The following PTPRM variants were observed in gnomAD, a reference collection of about 807,000 sequenced individuals.
The protein encoded by PTPRM is receptor-type tyrosine-protein phosphatase mu.
PTPRM carries 47 observed loss-of-function variants against 186.7 expected under a neutral mutation model. That is an observed-to-expected ratio of 0.25 (90% CI 0.20 to 0.32). The LOEUF (loss-of-function observed/expected upper bound fraction) is 0.32. PTPRM is among the 10% of genes least tolerant of loss of function. The pLI is 1.00. For missense variants in PTPRM, 1,494 were observed against 1,865.0 expected (o/e 0.80, Z 3.66); for synonymous variants, 668 against 674.9 (o/e 0.99, Z 0.16).
intron 20 of PTPRM, among the ~76,000 whole-genome samples, chr18:8,314,039 T>G (rs1294550126): frequency 6.6e-6 from 1 of 152,166 alleles, no homozygotes; most frequent in Admixed American, 6.5e-5. Context: ...AGGAAATAAT[T>G]GAGATACATC....
chr18:7,640,143 T>C (rs2038411569), intron 1 of PTPRM, among the ~76,000 whole-genome samples: 1 of 152,174 alleles, frequency 6.6e-6, no homozygotes, highest in Non-Finnish European at 1.5e-5. Flanking sequence ...TAAAATGAAT[T>C]TCCTATATCT....
chr18:7,871,913 T>A (rs1432441534), intron 2 of PTPRM, among the ~76,000 whole-genome samples: 1 of 152,230 alleles, frequency 6.6e-6, no homozygotes, highest in Non-Finnish European at 1.5e-5. Context: ...ATTTTAAAGT[T>A]TGCTGTTTCT....
At chr18:8,091,669 C>G (rs2090738412) in intron 11 of PTPRM, among the ~76,000 whole-genome samples, 1 of 148,918 alleles carries the variant, frequency 6.7e-6, no homozygotes, top group Non-Finnish European at 1.5e-5. Context: ...GACTGATTAT[C>G]TGTAGAATAG....
chr18:8,074,486 G>A (rs1195302787), intron 8 of PTPRM, among the ~76,000 whole-genome samples: 1 of 152,196 alleles, frequency 6.6e-6, no homozygotes, highest in Non-Finnish European at 1.5e-5. Flanking sequence ...CTGCCGGAGT[G>A]TTTTCAAAGT....
In PTPRM at chr18:8,112,042, T is replaced by C. The variant is rs184352169; in HGVS notation, c.1857-1444T>C. On this transcript the variant is annotated intron_variant, in intron 11 of 32. Coordinates refer to ENST00000580170, the MANE Select transcript of PTPRM (RefSeq NM_001105244.2). Reference sequence around the variant, plus strand: ...CCCTTTACCTTTACTACTGTATGAATGATCCACTAATGTGGAGCATTTTAC... The same window carrying C: ...CCCTTTACCTTTACTACTGTATGAACGATCCACTAATGTGGAGCATTTTAC... Among the ~76,000 whole-genome samples, 464 of 152,344 alleles carry C rather than the reference T, an allele frequency of 3.0e-3. 2 individuals are homozygous for C. The highest frequency in any genetic ancestry group is 0.011 in the African/African-American group (445 of 41,584).
chr18:8,252,643 T>C, intron 18 of PTPRM, 144 bp downstream of exon 18: 1 of 778,818 alleles, frequency 1.3e-6, no homozygotes, highest in South Asian at 1.6e-5. Flanking sequence ...GTGTGATGTG[T>C]TGGTCCACAA....
intron 7 of PTPRM, among the ~76,000 whole-genome samples, chr18:7,997,709 G>A (rs1329389912): frequency 1.3e-5 from 2 of 152,118 alleles, no homozygotes; most frequent in Non-Finnish European, 2.9e-5. Context: ...ATTGAAAAAT[G>A]AGCCAGTGAC....
rs191749762 is a variant in PTPRM, at chr18:8,169,155, A to G, written c.2300+25376A>G. ...AAAGGATAAATGTCATCGATATAGCACAATGAGAAACACCACACCTAGCAA... is the reference window on the plus strand; with the variant it reads ...AAAGGATAAATGTCATCGATATAGCGCAATGAGAAACACCACACCTAGCAA... On this transcript the variant is annotated intron_variant, in intron 14 of 32. Transcript: ENST00000580170. Among the ~76,000 whole-genome samples the G allele has an allele frequency of 3.3e-3, 505 of 152,284 alleles. 1 individual carries two copies. Among genetic ancestry groups the G allele is most frequent in the Middle Eastern group, 6.8e-3 (2 of 294 alleles).
chr18:7,880,491 G>C (rs879624239), intron 2 of PTPRM, among the ~76,000 whole-genome samples: 40 of 152,184 alleles, frequency 2.6e-4, no homozygotes, highest in Non-Finnish European at 4.7e-4. Flanking sequence ...TGAGAAATAA[G>C]TATTTTATGT....
At chr18:8,086,525 AT>A (rs939195436) in intron 10 of PTPRM, among the ~76,000 whole-genome samples, 1 of 151,832 alleles carries the variant, frequency 6.6e-6, no homozygotes, top group Non-Finnish European at 1.5e-5. Context: ...TTGCATGAAT[AT>A]TTTTTCCCAT....
chr18:7,889,916 T>A (rs766908434), intron 3 of PTPRM, among the ~76,000 whole-genome samples: 3 of 152,194 alleles, frequency 2.0e-5, no homozygotes, highest in Non-Finnish European at 4.4e-5. Context: ...TGCTTTGAGT[T>A]CCTGTTTAAA....
chr18:7,733,322 A>G (rs8089769), intron 1 of PTPRM, among the ~76,000 whole-genome samples: 7,389 of 152,012 alleles, frequency 0.049, 454 homozygotes, highest in East Asian at 0.14. Context: ...CCACTTATAA[A>G]TGAGAACATG....
intron 2 of PTPRM, among the ~76,000 whole-genome samples, chr18:7,864,496 C>G (rs1225192174): frequency 1.3e-5 from 2 of 152,146 alleles, no homozygotes; most frequent in Non-Finnish European, 2.9e-5. Context: ...TGTCAAAGAT[C>G]AGATGGTTGT....
At chr18:7,811,963 A>G (rs694096) in intron 2 of PTPRM, among the ~76,000 whole-genome samples, 97,032 of 152,084 alleles carry the variant, frequency 0.64, 31,543 homozygotes, top group East Asian at 0.95. Context: ...GTTTTCCAGG[A>G]TATGTTATTG....
intron 1 of PTPRM, among the ~76,000 whole-genome samples, chr18:7,611,489 A>G (rs1211625803): frequency 6.6e-6 from 1 of 152,160 alleles, no homozygotes; most frequent in African/African-American, 2.4e-5. Context: ...AATATTTGCC[A>G]TTGTCTTACA....
intron 1 of PTPRM, among the ~76,000 whole-genome samples, chr18:7,636,325 C>T (rs2038311623): frequency 6.6e-6 from 1 of 152,172 alleles, no homozygotes; most frequent in African/African-American, 2.4e-5. Context: ...TGCAGGCCTC[C>T]ATTGGGTTCT....
At chr18:7,806,463 G>A (rs186366049) in intron 2 of PTPRM, among the ~76,000 whole-genome samples, 7 of 151,836 alleles carry the variant, frequency 4.6e-5, no homozygotes, top group African/African-American at 1.5e-4. Context: ...AACAATAAGG[G>A]CATTAAAATT....
At chr18:7,998,893 G>A (rs778154389) in intron 7 of PTPRM, among the ~76,000 whole-genome samples, 13 of 152,126 alleles carry the variant, frequency 8.5e-5, no homozygotes, top group Non-Finnish European at 1.9e-4. Context: ...GGCCTCAAGT[G>A]ATCTACCCGC....
At chr18:8,104,073 A>ATCT (rs958502629) in intron 11 of PTPRM, among the ~76,000 whole-genome samples, 47 of 152,338 alleles carry the variant, frequency 3.1e-4, no homozygotes, top group African/African-American at 9.4e-4. Flanking sequence ...ACAGATCACC[A>ATCT]TAACGGTTGT....
Sources: gnomAD v4.1 joint callset for allele counts (sites outside exome capture counted in the v4.1 genomes callset) on GRCh38, gnomAD v4.1.1 for gene constraint, MANE v1.5 for transcripts, NCBI Gene and HGNC (gene_info 2026-07-23, HGNC 2026-07-21) for gene names.